Variants in SH3TC1 observed in about 807,000 individuals in gnomAD.
The protein encoded by SH3TC1 is SH3 domain and tetratricopeptide repeats 1.
In SH3TC1, 135 loss-of-function variants were observed where a neutral mutation model predicts 117.3. That is an observed-to-expected ratio of 1.15 (90% CI 1.00 to 1.33). The LOEUF (loss-of-function observed/expected upper bound fraction) is 1.33, where lower values mean the gene tolerates loss of function less well. SH3TC1 is among the 40% of genes most tolerant of loss of function. SH3TC1 has a pLI of 0.00. For missense variants in SH3TC1, 2,092 were observed against 1,794.3 expected (o/e 1.17, Z -3.00); for synonymous variants, 898 against 816.9 (o/e 1.10, Z -1.69).
chr4:8,237,390 G>A, intron 16 of SH3TC1, 84 bp from the exon 17 acceptor site: 1 of 1,229,508 alleles, frequency 8.1e-7, no homozygotes, highest in Non-Finnish European at 1.1e-6. Flanking sequence ...GCAGTGCCTG[G>A]AGGCGAGCCA....
chr4:8,231,953 C>T, intron 12 of SH3TC1, 23 bp from the exon 13 acceptor site: 2 of 1,607,676 alleles, frequency 1.2e-6, no homozygotes, highest in Non-Finnish European at 1.7e-6. Flanking sequence ...AGGCTGACGT[C>T]TTCCTTTTTG....
chr4:8,229,896 C>T (rs1387348735), intron 12 of SH3TC1, among the ~76,000 whole-genome samples: 4 of 143,804 alleles, frequency 2.8e-5, no homozygotes, highest in Non-Finnish European at 4.8e-5. Flanking sequence ...GGCCAGGGAA[C>T]GAGGATCATG....
chr4:8,214,066 G>C (rs886621971), intron 4 of SH3TC1, among the ~76,000 whole-genome samples: 3 of 152,112 alleles, frequency 2.0e-5, no homozygotes, highest in African/African-American at 7.2e-5. Flanking sequence ...GGATGCTGGC[G>C]GGGGGATGGA....
chr4:8,197,665 C>T (rs1717601799), upstream of SH3TC1, among the ~76,000 whole-genome samples: 1 of 152,212 alleles, frequency 6.6e-6, no homozygotes. Flanking sequence ...AGCCTGGAGG[C>T]TGGGCCCCTA....
At chr4:8,197,016 T>G (rs190300042), upstream of SH3TC1, among the ~76,000 whole-genome samples, 1 of 152,272 alleles carries the variant, frequency 6.6e-6, no homozygotes, top group East Asian at 1.9e-4. Flanking sequence ...CTGACCTTAT[T>G]TGGGAAAGGA....
At chr4:8,229,467 G>C (rs1404384682) in intron 12 of SH3TC1, among the ~76,000 whole-genome samples, 2 of 104,570 alleles carry the variant, frequency 1.9e-5, no homozygotes, top group Non-Finnish European at 4.0e-5. Flanking sequence ...GTGAGTGGGG[G>C]TGTGATGGGG....
In SH3TC1 at chr4:8,192,495, T is replaced by TATTTTATTTTATTTTATTTTATTTC. The variant is rs1554130840; in HGVS notation, c.-57+10289_-57+10290insTATTTTATTTTATTTTATTTCATTT. On this transcript the variant is annotated intron_variant, in intron 1 of 16. Transcript: ENST00000508641. The surrounding 1 kb of genome is among the most constrained non-coding windows in gnomAD (Gnocchi z 4.1). ...TATTTTATTTTATTTTATTTTATTT[T>TATTTTATTTTATTTTATTTTATTTC]ATTTCATTTTATTTTTGAGATGGAG... Among the ~76,000 whole-genome samples the TATTTTATTTTATTTTATTTTATTTC allele has an allele frequency of 2.2e-5, 3 of 133,566 alleles. No individual in the cohort carries two copies. The highest frequency in any genetic ancestry group is 8.3e-5 in the African/African-American group (3 of 36,024). The allele number at this position is 133,566 out of a possible 152,430, so 87.6% of individuals were successfully genotyped here. A position where few individuals can be genotyped will look rare whatever the true frequency, so the allele number is the denominator to read the frequency against.
upstream of SH3TC1, among the ~76,000 whole-genome samples, chr4:8,196,873 G>T (rs1446759501): frequency 6.6e-6 from 1 of 152,176 alleles, no homozygotes; most frequent in African/African-American, 2.4e-5. The surrounding 1 kb of genome is among the most constrained non-coding windows in gnomAD (Gnocchi z 4.6). Context: ...ACAGCAGGCT[G>T]CAGGGACTGC....
Position 8,236,387 on chromosome 4 carries a change from TG to T in SH3TC1, c.3517del (p.Glu1173SerfsTer7). Reference sequence around the variant, plus strand: ...ACGCTGGAGGAGCCCCAGGAGGGCTTGGAGTTTGCCCACATGGCCCTAGCAC... The same window carrying T: ...ACGCTGGAGGAGCCCCAGGAGGGCTTGAGTTTGCCCACATGGCCCTAGCAC... ...LATLEEPQEG[L>X]EFAHMALALS... On this transcript the variant is annotated frameshift_variant, in exon 16 of 18. Transcript: ENST00000245105. LOFTEE classifies it high-confidence loss of function. 6.5e-7 allele frequency: 1 copy of T among 1,537,330 alleles called. No homozygotes were observed. The highest frequency in any genetic ancestry group is 2.0e-5 in the Admixed American group (1 of 49,812).
chr4:8,241,078 T>G lies in SH3TC1; in HGVS notation c.*123T>G. On this transcript the variant is annotated 3_prime_UTR_variant, in exon 18 of 18. Transcript: ENST00000245105. ...AACGCAGGGGCCAAATAGCAATAAA[T>G]GGGTTTTGTTTTTTTTTTGCAATAA... The G allele has an allele frequency of 7.3e-7, 1 of 1,367,854 alleles. No homozygotes were observed. Among genetic ancestry groups the G allele is most frequent in the Non-Finnish European group, 9.7e-7 (1 of 1,028,074 alleles). 84.7% of individuals were successfully genotyped at this position (1,367,854 alleles called of 1,614,324 possible).
In SH3TC1 at chr4:8,214,586, G is replaced by C. The variant is rs751213517; in HGVS notation, c.481+6G>C. The stretch of plus-strand genomic sequence containing the variant: ...TTCCACCTACCATGCTCTCGGTAAA[G>C]AGGTGACCCTCCCAGAATTGGTCAT... On this transcript the variant is annotated splice_donor_region_variant and intron_variant, in intron 5 of 17. Transcript: ENST00000245105. 1.9e-6 allele frequency: 3 copies of C among 1,612,808 alleles called. No homozygotes were observed. The highest frequency in any genetic ancestry group is 1.1e-5 in the South Asian group (1 of 91,068).
At chr4:8,235,362 G>T in intron 14 of SH3TC1, 71 bp from the exon 15 acceptor site, 3 of 1,410,734 alleles carry the variant, frequency 2.1e-6, no homozygotes, top group South Asian at 1.8e-5. Flanking sequence ...GCTGGGCGGG[G>T]GAGTCCGACC....
At chr4:8,219,699 CTCCAGGGTT>C (rs1719718291) in intron 9 of SH3TC1, among the ~76,000 whole-genome samples, 169 bp downstream of exon 9, 1 of 152,216 alleles carries the variant, frequency 6.6e-6, no homozygotes, top group Admixed American at 6.5e-5. Context: ...CAGTGCCTGA[CTCCAGGGTT>C]CCCTGGCGTC....
In SH3TC1 at chr4:8,227,982, C is replaced by T. The variant is rs375244986; in HGVS notation, c.2288C>T (p.Ala763Val). The T allele has an allele frequency of 8.1e-6, 13 of 1,612,420 alleles. No homozygotes were observed. In the South Asian group the frequency reaches 1.1e-4, roughly 14 times the overall value. The change falls in exon 12 of 18, where the codon GCC (alanine) becomes GTC (valine). Residue 763 changes from alanine (A) to valine (V), a missense_variant. Transcript: ENST00000245105. Reference sequence around the variant, plus strand: ...GCCCCCCAGCCCCACAGCCTCCCTGCCCAAACTTCCCACTACCTCAGGCAA... The same window carrying T: ...GCCCCCCAGCCCCACAGCCTCCCTGTCCAAACTTCCCACTACCTCAGGCAA... ...QNAPQPHSLP[A>V]QTSHYLRQAL...
chr4:8,211,631 G>A lies in SH3TC1; in HGVS notation c.248-1070G>A, dbSNP rs1266743669. Among the ~76,000 whole-genome samples, 3 of 151,142 alleles carry A rather than the reference G, an allele frequency of 2.0e-5. No individual in the cohort carries two copies. In the South Asian group the frequency reaches 6.3e-4, roughly 32 times the overall value. On this transcript the variant is annotated intron_variant, in intron 3 of 17. Coordinates refer to ENST00000245105, the MANE Select transcript of SH3TC1 (RefSeq NM_018986.5). ...CCACTGCCTAGAGATCTGGGGCCGA[G>A]TCTTGACCTGGAGGATTGGGAACAC...
intron 1 of SH3TC1, among the ~76,000 whole-genome samples, chr4:8,202,807 C>G (rs548708227): frequency 6.6e-6 from 1 of 152,350 alleles, no homozygotes; most frequent in South Asian, 2.1e-4. Flanking sequence ...ACCTCCCTCA[C>G]GGAACCATCA....
chr4:8,232,065 C>G lies in SH3TC1; in HGVS notation c.3040C>G (p.Leu1014Val), dbSNP rs1413275602. The G allele has an allele frequency of 5.0e-6, 8 of 1,613,532 alleles. No homozygotes were observed. In the South Asian group the frequency reaches 8.8e-5, roughly 18 times the overall value. ...GTGTGTCATCTACCATGAGCTCCAG[C>G]TCTCCCTGGCCTGCAAGGTGGCCGA... ...AQCVIYHELQ[L>V]SLACKVADKV... Residue 1014 changes from leucine (L) to valine (V), a missense_variant, in exon 13 of 18, where the codon CTC (leucine) becomes GTC (valine). By Grantham distance (32) the Leu-to-Val change is conservative. Transcript: ENST00000245105.
Position 8,240,865 on chromosome 4 carries a change from C to T in SH3TC1, c.3921C>T (p.Phe1307=), listed in dbSNP as rs754814312. The T allele has an allele frequency of 1.1e-5, 18 of 1,613,622 alleles. No individual in the cohort carries two copies. Among genetic ancestry groups the T allele is most frequent in the South Asian group, 9.9e-5 (9 of 91,094 alleles). Reference sequence around the variant, plus strand: ...TCTTCTACCAGAAGGCCAGGACCTTCGCCACAGAGCTCAACGTCCGCAGGG... The same window carrying T: ...TCTTCTACCAGAAGGCCAGGACCTTTGCCACAGAGCTCAACGTCCGCAGGG... ...SLFFYQKART[F]ATELNVRRVN... is the part of the protein sequence containing the mutation. The change falls in exon 18 of 18, where the codon TTC becomes TTT. Residue 1307 remains phenylalanine, a synonymous_variant. Coordinates refer to ENST00000245105, the MANE Select transcript of SH3TC1 (RefSeq NM_018986.5).
At chr4:8,231,889 G>C in intron 12 of SH3TC1, 87 bp from the exon 13 acceptor site, 1 of 1,484,082 alleles carries the variant, frequency 6.7e-7, no homozygotes, top group African/African-American at 1.4e-5. Context: ...GTGTGAAAGA[G>C]GCAAGCACAC....
Sources: allele counts gnomAD v4.1 joint callset (sites outside exome capture counted in the v4.1 genomes callset), GRCh38; gene constraint gnomAD v4.1.1; non-coding constraint Gnocchi (gnomAD v3.1); transcripts MANE v1.5; gene names NCBI Gene and HGNC (gene_info 2026-07-23, HGNC 2026-07-21).